THSD7A: variants seen among roughly 807,000 people sequenced by gnomAD.
The protein encoded by THSD7A is thrombospondin type 1 domain containing 7A.
Under a neutral mutation model 231.3 loss-of-function variants are expected in THSD7A, and 96 were observed. That is an observed-to-expected ratio of 0.41 (90% confidence interval 0.35 to 0.49). THSD7A has a LOEUF of 0.49. THSD7A is among the 20% of genes least tolerant of loss of function. The pLI, the probability that THSD7A is intolerant of heterozygous loss-of-function variation, is 0.05. For missense variants in THSD7A, 2,290 were observed against 2,070.2 expected, an observed-to-expected ratio of 1.11 and a Z score of -2.06; for synonymous variants, 940 against 743.3, an observed-to-expected ratio of 1.26 and a Z score of -4.30.
At chr7:11,469,793 C>G in intron 9 of THSD7A, 86 bp downstream of exon 9, 1 of 903,256 alleles carries the variant, frequency 1.1e-6, no homozygotes, top group East Asian at 2.7e-5. Flanking sequence ...GTGCAAAACT[C>G]ACAAACATTG....
intron 1 of THSD7A, among the ~76,000 whole-genome samples, chr7:11,702,417 T>A (rs1780633858): frequency 6.6e-6 from 1 of 151,292 alleles, no homozygotes; most frequent in South Asian, 2.1e-4. Context: ...CCCTCTGGTC[T>A]TTTCCAGTGA....
chr7:11,407,491 C>G, intron 19 of THSD7A, 68 bp from the exon 20 acceptor site: 2 of 1,198,038 alleles, frequency 1.7e-6, no homozygotes, highest in East Asian at 2.5e-5. Flanking sequence ...AATGAGGTGA[C>G]AAGAAAGAAG....
At chr7:11,671,548 C>T (rs1248097562) in intron 1 of THSD7A, among the ~76,000 whole-genome samples, 1 of 152,048 alleles carries the variant, frequency 6.6e-6, no homozygotes, top group Non-Finnish European at 1.5e-5. Flanking sequence ...TCGTGAAGTC[C>T]ATTTAGAGTT....
intron 4 of THSD7A, among the ~76,000 whole-genome samples, chr7:11,587,143 A>C (rs1000711794): frequency 3.3e-5 from 5 of 152,186 alleles, no homozygotes; most frequent in Admixed American, 2.0e-4. Context: ...CTCTAAAAAA[A>C]TCAATTTACT....
chr7:11,506,105 G>C (rs192933587), intron 6 of THSD7A, among the ~76,000 whole-genome samples: 7 of 152,216 alleles, frequency 4.6e-5, no homozygotes, highest in East Asian at 1.9e-4. Context: ...AACTTCAAAA[G>C]GGGGCCCTCC....
At position 11,636,220 on chromosome 7, in the gene THSD7A, C is replaced by A; in HGVS notation, c.932G>T (p.Arg311Ile). 1 of 1,614,040 alleles carries A rather than the reference C, an allele frequency of 6.2e-7. No individual in the cohort carries two copies. The highest frequency in any genetic ancestry group is 1.1e-5 in the South Asian group (1 of 91,084). ...GATGTCCCAATATTTGTTCTCTTGT[C>A]TGTTCTGCCTGTTTCTGTTTCTCTT... ...KKKRNRNRQN[R>I]QENKYWDIQI... Residue 311 changes from arginine to isoleucine, a missense_variant, in exon 2 of 28, where the codon AGA (arginine) becomes ATA (isoleucine). Arg to Ile is a moderately conservative substitution (Grantham distance 97). Transcript: ENST00000423059. This position sits in a 1 kb window ranked among gnomAD's most constrained non-coding sequence, Gnocchi z 10.0.
chr7:11,456,845 T>C (rs1271651747), intron 11 of THSD7A, among the ~76,000 whole-genome samples: 2 of 152,020 alleles, frequency 1.3e-5, no homozygotes, highest in African/African-American at 4.8e-5. Flanking sequence ...ACTCCTGGTA[T>C]GGACATATAG....
Position 11,636,915 on chromosome 7 carries a change from G to A in THSD7A, c.237C>T (p.Ile79=). 1.9e-6 allele frequency: 3 copies of A among 1,613,052 alleles called. No homozygotes were observed. The highest frequency in any genetic ancestry group is 2.5e-6 in the Non-Finnish European group (3 of 1,179,850). The change falls in exon 2 of 28, where the codon ATC becomes ATT. Residue 79 remains isoleucine (I), a synonymous_variant. Transcript: ENST00000423059. This position sits in a 1 kb window ranked among gnomAD's most constrained non-coding sequence, Gnocchi z 10.0. ...GAGCACACCACACAGCCCTCGTTTG[G>A]ATGCCTCCGGGACCACATTCATCTC... ...CMGDECGPGG[I]QTRAVWCAHV... is the part of the protein sequence containing the mutation.
At chr7:11,510,283 T>C (rs541462685) in intron 6 of THSD7A, among the ~76,000 whole-genome samples, 20 of 152,248 alleles carry the variant, frequency 1.3e-4, no homozygotes, top group African/African-American at 4.8e-4. Flanking sequence ...CAATAATTAA[T>C]AGCCTACCAA....
In THSD7A at chr7:11,377,262, A is replaced by AT. The variant is rs991477821; in HGVS notation, c.4802-606dup. On this transcript the variant is annotated intron_variant, in intron 26 of 27. Transcript: ENST00000423059. This position sits in a 1 kb window ranked among gnomAD's most constrained non-coding sequence, Gnocchi z 4.5. ...TAACATATAAAAGGATCTATAAATA[A>AT]TTTTTTTTCTACCTTTTCTATTATA... Among the ~76,000 whole-genome samples the AT allele has an allele frequency of 2.0e-5, 3 of 151,850 alleles. No homozygotes were observed. Among genetic ancestry groups the AT allele is most frequent in the Non-Finnish European group, 2.9e-5 (2 of 67,900 alleles).
intron 4 of THSD7A, among the ~76,000 whole-genome samples, chr7:11,564,543 G>C (rs1467089378): frequency 6.6e-6 from 1 of 152,126 alleles, no homozygotes; most frequent in Non-Finnish European, 1.5e-5. Flanking sequence ...AGTCTCACAG[G>C]GGTTGCTGCT....
At chr7:11,450,388 G>C (rs904495223) in intron 11 of THSD7A, among the ~76,000 whole-genome samples, 1 of 151,870 alleles carries the variant, frequency 6.6e-6, no homozygotes, top group East Asian at 1.9e-4. Flanking sequence ...TCTTATCTGA[G>C]GTTTTAGACA....
chr7:11,466,966 A>C (rs1347139270), intron 9 of THSD7A, among the ~76,000 whole-genome samples: 1 of 152,072 alleles, frequency 6.6e-6, no homozygotes, highest in African/African-American at 2.4e-5. Flanking sequence ...CAGGTCATTC[A>C]TCATCACCCG....
intron 6 of THSD7A, among the ~76,000 whole-genome samples, chr7:11,524,176 C>A (rs916093660): frequency 2.6e-5 from 4 of 151,574 alleles, no homozygotes; most frequent in African/African-American, 4.9e-5. Context: ...TGAATTGTAC[C>A]CTGGCTCTGT....
At chr7:11,567,969 A>T (rs1349343872) in intron 4 of THSD7A, among the ~76,000 whole-genome samples, 1 of 151,914 alleles carries the variant, frequency 6.6e-6, no homozygotes, top group Non-Finnish European at 1.5e-5. Context: ...ATTTTATCTC[A>T]CCTATTTGAA....
chr7:11,420,987 T>C (rs1281533761), intron 16 of THSD7A, among the ~76,000 whole-genome samples: 1 of 152,184 alleles, frequency 6.6e-6, no homozygotes, highest in African/African-American at 2.4e-5. Flanking sequence ...AATTGTATCT[T>C]GGAAGTAACT....
chr7:11,609,291 C>T (rs1335863922), intron 2 of THSD7A, among the ~76,000 whole-genome samples: 1 of 152,126 alleles, frequency 6.6e-6, no homozygotes, highest in Non-Finnish European at 1.5e-5. Context: ...CTGGATCCCT[C>T]CCTTTCCCTT....
chr7:11,587,536 A>G (rs1779961414), intron 4 of THSD7A, among the ~76,000 whole-genome samples: 3 of 152,182 alleles, frequency 2.0e-5, no homozygotes. Context: ...TGCTATCTCC[A>G]ACTTAGGATA....
At chr7:11,657,151 A>G (rs1335671063) in intron 1 of THSD7A, among the ~76,000 whole-genome samples, 1 of 151,838 alleles carries the variant, frequency 6.6e-6, no homozygotes, top group Non-Finnish European at 1.5e-5. Context: ...TTGAATATGT[A>G]TACATAGCAG....
Sources: gnomAD v4.1 joint callset for allele counts (sites outside exome capture counted in the v4.1 genomes callset) on GRCh38, gnomAD v4.1.1 for gene constraint, Gnocchi (gnomAD v3.1) non-coding constraint, MANE v1.5 for transcripts, NCBI Gene and HGNC (gene_info 2026-07-23, HGNC 2026-07-21) for gene names.